Variants in WDHD1 observed in about 807,000 individuals in gnomAD.
WDHD1 encodes the protein WD repeat and HMG-box DNA-binding protein 1.
A neutral mutation model predicts 135.4 loss-of-function variants in WDHD1; 111 were observed. The observed-to-expected ratio is 0.82, with a 90% CI of 0.70 to 0.96. WDHD1 has a LOEUF of 0.96. Among genes scored for constraint, WDHD1 ranks in the 40% least tolerant of loss-of-function variants. The pLI, the probability that WDHD1 is intolerant of heterozygous loss-of-function variation, is 0.00. For synonymous variants in WDHD1, 434 were observed against 439.0 expected, an observed-to-expected ratio of 0.99 and a Z score of 0.14; for missense variants, 1,351 against 1,336.3, an observed-to-expected ratio of 1.01 and a Z score of -0.17.
intron 7 of WDHD1, among the ~76,000 whole-genome samples, chr14:55,004,145 G>C (rs4335711): frequency 0.28 from 42,986 of 151,890 alleles, 6,142 homozygotes; most frequent in Non-Finnish European, 0.3. Context: ...CCTATATATA[G>C]ACTCATCATG....
Position 54,995,675 on chromosome 14 carries a change from C to T in WDHD1, c.1081G>A (p.Glu361Lys). The T allele has an allele frequency of 6.2e-7, 1 of 1,613,770 alleles. No individual in the cohort carries two copies. Among genetic ancestry groups the T allele is most frequent in the Non-Finnish European group, 8.5e-7 (1 of 1,179,870 alleles). The change falls in exon 11 of 26, where the codon GAA becomes AAA. Residue 361 changes from glutamate to lysine, a missense_variant. Physicochemically the swap from Glu to Lys is moderately conservative, Grantham distance 56 (BLOSUM62 1). Coordinates refer to ENST00000360586, the MANE Select transcript of WDHD1 (RefSeq NM_007086.4). ...CGACCTGAAGCCATCATGAGGTCTT[C>T]ATCATCCTCATCATCATTTATAATC... is the stretch of plus-strand genomic sequence containing the variant. ...KGIINDDEDD[E>K]DLMMASGRPR...
At chr14:55,008,486 C>A in intron 5 of WDHD1, 120 bp from the exon 6 acceptor site, 1 of 1,438,804 alleles carries the variant, frequency 7.0e-7, no homozygotes. Context: ...TGCTAACTCT[C>A]TTACTGAATA....
chr14:54,977,650 T>C (rs1455148096), intron 16 of WDHD1, among the ~76,000 whole-genome samples: 2 of 152,188 alleles, frequency 1.3e-5, no homozygotes, highest in African/African-American at 4.8e-5. Flanking sequence ...CCAGCCTGGA[T>C]AACGTAAGGA....
At chr14:54,959,515 A>G in intron 21 of WDHD1, among the ~76,000 whole-genome samples, 1 of 151,760 alleles carries the variant, frequency 6.6e-6, no homozygotes, top group South Asian at 2.1e-4. Context: ...GTAATCCGAA[A>G]ATTTTGGGAG....
At chr14:54,943,603 G>A (rs1002547477) in intron 25 of WDHD1, among the ~76,000 whole-genome samples, 2 of 152,110 alleles carry the variant, frequency 1.3e-5, no homozygotes, top group Non-Finnish European at 2.9e-5. Flanking sequence ...TCACTATGTT[G>A]TCTAGGCTGG....
intron 9 of WDHD1, 31 bp from the exon 10 acceptor site, chr14:55,000,675 CT>C: frequency 6.7e-7 from 1 of 1,489,916 alleles, no homozygotes; most frequent in Non-Finnish European, 8.9e-7. Flanking sequence ...TCTAAAAATA[CT>C]GTCAAGAAAA....
chr14:54,965,182 T>C (rs1323022630), intron 18 of WDHD1, among the ~76,000 whole-genome samples: 1 of 152,236 alleles, frequency 6.6e-6, no homozygotes, highest in East Asian at 1.9e-4. Context: ...TAAGCCACCA[T>C]GTCAGTGCCT....
Position 54,967,289 on chromosome 14 carries a change from T to C in WDHD1, c.2169A>G (p.Gly723=). 1.2e-6 allele frequency: 2 copies of C among 1,610,170 alleles called. No individual in the cohort carries two copies. The highest frequency in any genetic ancestry group is 2.2e-5 in the East Asian group (1 of 44,796). The part of the protein sequence containing the change: ...LPYCQIATEK[G]QMEEQFWRSV... ...TAAGACTTCCACATACCTCCATTTGTCCTTTCTCTGTTGCAATCTGACAGT... is the reference window on the plus strand; with the variant it reads ...TAAGACTTCCACATACCTCCATTTGCCCTTTCTCTGTTGCAATCTGACAGT... The change falls in exon 17 of 26, where the codon GGA becomes GGG. Residue 723 remains glycine, a synonymous_variant. Coordinates refer to ENST00000360586, the MANE Select transcript of WDHD1 (RefSeq NM_007086.4).
intron 2 of WDHD1, among the ~76,000 whole-genome samples, chr14:55,019,847 C>G (rs779706276): frequency 6.6e-6 from 1 of 152,124 alleles, no homozygotes; most frequent in African/African-American, 2.4e-5. Context: ...CCAGCCTGGG[C>G]GACAGAGCTA....
At chr14:55,004,047 T>A (rs1248385395) in intron 7 of WDHD1, among the ~76,000 whole-genome samples, 1 of 152,238 alleles carries the variant, frequency 6.6e-6, no homozygotes, top group South Asian at 2.1e-4. Context: ...TGCAAAACTA[T>A]TTACTTTTTA....
intron 24 of WDHD1, among the ~76,000 whole-genome samples, chr14:54,948,426 T>C (rs1037968562): frequency 1.3e-5 from 2 of 152,008 alleles, no homozygotes; most frequent in Admixed American, 1.3e-4. Context: ...GCTCAGAGGG[T>C]CCCATGCCCA....
intron 24 of WDHD1, among the ~76,000 whole-genome samples, chr14:54,954,952 C>T (rs1325302696): frequency 6.6e-6 from 1 of 152,182 alleles, no homozygotes; most frequent in Non-Finnish European, 1.5e-5. Context: ...TGGTCTCGAA[C>T]TCCCATCCTC....
At chr14:54,977,769 T>C (rs1002883960) in intron 16 of WDHD1, among the ~76,000 whole-genome samples, 7 of 152,172 alleles carry the variant, frequency 4.6e-5, no homozygotes, top group Non-Finnish European at 1.0e-4. Flanking sequence ...AGCTGTAATT[T>C]ACAGTCCATT....
At chr14:54,995,848 T>C (rs775192726) in intron 10 of WDHD1, 35 bp from the exon 11 acceptor site, 9 of 1,460,334 alleles carry the variant, frequency 6.2e-6, no homozygotes, top group South Asian at 1.5e-5. Context: ...AAAGTAAAAG[T>C]GAATGATTTA....
At chr14:55,016,402 T>C (rs1221411909) in intron 2 of WDHD1, among the ~76,000 whole-genome samples, 4 of 152,212 alleles carry the variant, frequency 2.6e-5, no homozygotes, top group African/African-American at 7.2e-5. Flanking sequence ...AAAATGTTTG[T>C]TGACATTTAC....
Position 54,972,584 on chromosome 14 carries a change from AAAAAAATG to A in WDHD1, c.2064-5198_2064-5191del, listed in dbSNP as rs1566719613. Among the ~76,000 whole-genome samples the A allele has an allele frequency of 2.7e-4, 21 of 78,032 alleles. 3 individuals are homozygous for A. The highest frequency in any genetic ancestry group is 3.7e-4 in the Non-Finnish European group (16 of 43,556). 51.2% of individuals were successfully genotyped at this position (78,032 alleles called of 152,430 possible). ...AAAAAAAAAAAAAAAAAAAAAAAAA[AAAAAAATG>A]CCAATGAGGCATATTCACTTTCATC... On this transcript the variant is annotated intron_variant, in intron 16 of 25. Coordinates refer to ENST00000360586, the MANE Select transcript of WDHD1 (RefSeq NM_007086.4).
chr14:55,003,752 C>CG (rs142068499), intron 7 of WDHD1, among the ~76,000 whole-genome samples: 50,884 of 151,170 alleles, frequency 0.34, 8,896 homozygotes, highest in African/African-American at 0.44. Context: ...TCAGTAGAGA[C>CG]GGGGTCTTAT....
rs753392367 is a variant in WDHD1, at chr14:54,948,755, C to A, written c.3051-4285G>T. Among the ~76,000 whole-genome samples, 74 of 152,208 alleles carry A rather than the reference C, an allele frequency of 4.9e-4. 1 individual carries two copies. The highest frequency in any genetic ancestry group is 4.4e-3 in the Admixed American group (67 of 15,274). On this transcript the variant is annotated intron_variant, in intron 24 of 25. Transcript: ENST00000360586. ...AGTAGCCTAACTGGGAGGCACCCCC[C>A]AGTAGGGGCAGACTGACACCTCACA... is the stretch of plus-strand genomic sequence containing the variant.
chr14:54,959,052 AAG>A (rs1446521743), intron 21 of WDHD1, among the ~76,000 whole-genome samples: 2 of 152,116 alleles, frequency 1.3e-5, no homozygotes, highest in African/African-American at 4.8e-5. Context: ...TCAAGTACTC[AAG>A]CCAGTGTTAA....
Sources: allele counts gnomAD v4.1 joint callset (sites outside exome capture counted in the v4.1 genomes callset), GRCh38; gene constraint gnomAD v4.1.1; transcripts MANE v1.5; gene names NCBI Gene and HGNC (gene_info 2026-07-23, HGNC 2026-07-21).